The following OR6N1 variants were observed in gnomAD, a reference collection of about 807,000 sequenced individuals.
OR6N1 encodes olfactory receptor 6N1.
For synonymous variants in OR6N1, 170 were observed against 150.7 expected (o/e 1.13, Z -0.94); for missense variants, 394 against 371.7 (o/e 1.06, Z -0.49).
the OR6N1 span, among the ~76,000 whole-genome samples, chr1:158,801,821 C>T: frequency 6.6e-6 from 1 of 152,060 alleles, no homozygotes; most frequent in African/African-American, 2.4e-5. Flanking sequence ...AAGATCAAAG[C>T]CTTTACCTAG....
At chr1:158,835,001 C>G in the OR6N1 span, among the ~76,000 whole-genome samples, 6 of 152,096 alleles carry the variant, frequency 3.9e-5, no homozygotes, top group East Asian at 1.2e-3. Flanking sequence ...CAATACCACA[C>G]TGTTTTGATT....
At chr1:158,808,224 G>A in the OR6N1 span, among the ~76,000 whole-genome samples, 2,807 of 131,242 alleles carry the variant, frequency 0.021, 32 homozygotes, top group Non-Finnish European at 0.032. Context: ...TGCAAGCTCC[G>A]CCTCCCGGGT....
chr1:158,789,639 G>A, the OR6N1 span, among the ~76,000 whole-genome samples: 1 of 152,070 alleles, frequency 6.6e-6, no homozygotes, highest in African/African-American at 2.4e-5. Flanking sequence ...ATATTCTTTT[G>A]AGAAATATCC....
chr1:158,783,963 G>A, the OR6N1 span, among the ~76,000 whole-genome samples: 15 of 152,140 alleles, frequency 9.9e-5, no homozygotes, highest in South Asian at 2.1e-3. Flanking sequence ...AAAATTAGCC[G>A]GATATGGTGG....
the OR6N1 span, among the ~76,000 whole-genome samples, chr1:158,822,350 CAT>C: frequency 1.5e-4 from 23 of 152,108 alleles, no homozygotes; most frequent in East Asian, 4.3e-3. Context: ...AATGTTTTTC[CAT>C]GTGTTTGTGT....
the OR6N1 span, among the ~76,000 whole-genome samples, chr1:158,839,741 C>G: frequency 2.6e-5 from 4 of 152,180 alleles, no homozygotes; most frequent in African/African-American, 4.8e-5. Context: ...AAGTTTTCCA[C>G]TATTTTGAAT....
At chr1:158,829,733 A>T in the OR6N1 span, among the ~76,000 whole-genome samples, 1 of 152,094 alleles carries the variant, frequency 6.6e-6, no homozygotes, top group South Asian at 2.1e-4. Flanking sequence ...AATTTACTTT[A>T]TTAGTCTGTT....
chr1:158,822,010 A>G, the OR6N1 span, among the ~76,000 whole-genome samples: 4 of 152,122 alleles, frequency 2.6e-5, no homozygotes, highest in South Asian at 8.3e-4. Context: ...CTTCATTTGC[A>G]ATTCCCTGTG....
the OR6N1 span, among the ~76,000 whole-genome samples, chr1:158,780,370 T>C: frequency 6.6e-6 from 1 of 152,326 alleles, no homozygotes; most frequent in South Asian, 2.1e-4. Context: ...AATTATTGCA[T>C]GATCAAATGT....
At chr1:158,776,888 T>A (rs41273541), upstream of OR6N1, 8 of 1,613,936 alleles carry the variant, frequency 5.0e-6, no homozygotes, top group African/African-American at 1.3e-5. Flanking sequence ...CCAAAGAAGA[T>A]GAGGACCACA....
chr1:158,765,685 G>T lies in OR6N1; in HGVS notation c.*59C>A. ...TTTTAGTTTCTCGTCTCTGGCCACT[G>T]TTGATCCCTGGGGCCACCATATCCT... On this transcript the variant is annotated 3_prime_UTR_variant, in exon 2 of 2. Coordinates refer to ENST00000641846, the MANE Select transcript of OR6N1 (RefSeq NM_001005185.2). 2 of 1,397,972 alleles carry T rather than the reference G, an allele frequency of 1.4e-6. No homozygotes were observed. The highest frequency in any genetic ancestry group is 2.0e-6 in the Non-Finnish European group (2 of 1,006,476). The allele number at this position is 1,397,972 out of a possible 1,614,324, so 86.6% of individuals were successfully genotyped here. A position where few individuals can be genotyped will look rare whatever the true frequency, so the allele number is the denominator to read the frequency against.
intron 1 of OR6N1, among the ~76,000 whole-genome samples, chr1:158,767,108 A>G (rs899361366): frequency 6.6e-6 from 1 of 152,232 alleles, no homozygotes; most frequent in Non-Finnish European, 1.5e-5. Flanking sequence ...GTACTGGACC[A>G]AATATATATA....
the OR6N1 span, among the ~76,000 whole-genome samples, chr1:158,779,959 C>G: frequency 6.6e-6 from 1 of 152,154 alleles, no homozygotes; most frequent in African/African-American, 2.4e-5. Flanking sequence ...ATATATTTCC[C>G]TGCTGATGCC....
At chr1:158,833,409 T>C in the OR6N1 span, among the ~76,000 whole-genome samples, 1 of 152,220 alleles carries the variant, frequency 6.6e-6, no homozygotes, top group Admixed American at 6.5e-5. Context: ...ATTCATATTG[T>C]TGTGCAACCA....
chr1:158,811,059 A>G, the OR6N1 span, among the ~76,000 whole-genome samples: 1 of 152,126 alleles, frequency 6.6e-6, no homozygotes, highest in Non-Finnish European at 1.5e-5. Context: ...AAAAGTCCCC[A>G]GTGAGTGTTG....
chr1:158,833,071 T>C, the OR6N1 span, among the ~76,000 whole-genome samples: 1 of 152,136 alleles, frequency 6.6e-6, no homozygotes, highest in Non-Finnish European at 1.5e-5. Flanking sequence ...CCCCCAAACA[T>C]ACAACTTCAC....
the OR6N1 span, among the ~76,000 whole-genome samples, chr1:158,781,414 G>A: frequency 0.014 from 2,179 of 152,260 alleles, 43 homozygotes; most frequent in African/African-American, 0.049. Flanking sequence ...CCTCTCACCT[G>A]CAGAGGTGGG....
At chr1:158,797,587 G>T in the OR6N1 span, among the ~76,000 whole-genome samples, 3 of 152,082 alleles carry the variant, frequency 2.0e-5, no homozygotes, top group Non-Finnish European at 4.4e-5. Context: ...TATCATTTTG[G>T]TGACCTAAGT....
intron 1 of OR6N1, among the ~76,000 whole-genome samples, chr1:158,768,619 C>T (rs1657338076): frequency 6.6e-6 from 1 of 152,228 alleles, no homozygotes; most frequent in Non-Finnish European, 1.5e-5. Flanking sequence ...AAATTAGGTT[C>T]TGCGTTTCCA....
Sources: allele counts gnomAD v4.1 joint callset (sites outside exome capture counted in the v4.1 genomes callset), GRCh38; gene constraint gnomAD v4.1.1; transcripts MANE v1.5; gene names NCBI Gene and HGNC (gene_info 2026-07-23, HGNC 2026-07-21).